POU2F1: variants seen among roughly 807,000 people sequenced by gnomAD.
POU2F1 encodes the protein POU class 2 homeobox 1, also known as POU domain, class 2, transcription factor 1.
Under a neutral mutation model 84.9 loss-of-function variants are expected in POU2F1, and 16 were observed. The ratio of observed to expected loss-of-function variants is 0.19; its 90% CI spans 0.13 to 0.29. The LOEUF (loss-of-function observed/expected upper bound fraction) is 0.29, where lower values mean the gene tolerates loss of function less well. Among genes scored for constraint, POU2F1 ranks in the 10% least tolerant of loss-of-function variants. POU2F1 has a pLI of 1.00. For missense variants in POU2F1, 738 were observed against 942.6 expected (o/e 0.78, Z 2.84); for synonymous variants, 368 against 368.3 (o/e 1.00, Z 0.01).
chr1:167,387,599 GTCAGGCTTATA>G (rs1648076564), intron 8 of POU2F1, among the ~76,000 whole-genome samples: 1 of 152,166 alleles, frequency 6.6e-6, no homozygotes, highest in Admixed American at 6.5e-5. Context: ...TAAGGTAAAG[GTCAGGCTTATA>G]TAACTCATCT....
chr1:167,231,778 G>A (rs548547499), intron 1 of POU2F1, among the ~76,000 whole-genome samples: 1 of 152,296 alleles, frequency 6.6e-6, no homozygotes, highest in African/African-American at 2.4e-5. Flanking sequence ...TGCTAATCTG[G>A]ACAAGAGGAT....
chr1:167,226,926 G>T (rs72693603), intron 1 of POU2F1, among the ~76,000 whole-genome samples: 4 of 152,102 alleles, frequency 2.6e-5, no homozygotes, highest in Admixed American at 2.0e-4. Flanking sequence ...AGATTTATCA[G>T]ATTATCTTTT....
intron 2 of POU2F1, among the ~76,000 whole-genome samples, chr1:167,353,084 C>T (rs1403175605): frequency 1.3e-5 from 2 of 152,212 alleles, no homozygotes; most frequent in Non-Finnish European, 2.9e-5. Context: ...GAGATGAGGA[C>T]TCTCCAGTGC....
intron 1 of POU2F1, among the ~76,000 whole-genome samples, chr1:167,301,785 A>G (rs956988675): frequency 9.3e-5 from 14 of 150,452 alleles, no homozygotes; most frequent in African/African-American, 2.7e-4. Context: ...ATTTCTCTCA[A>G]TTTTTCGCTA....
At chr1:167,226,746 T>C (rs1018438666) in intron 1 of POU2F1, among the ~76,000 whole-genome samples, 1 of 152,220 alleles carries the variant, frequency 6.6e-6, no homozygotes, top group Non-Finnish European at 1.5e-5. Context: ...GGTGTGAATT[T>C]TTTGAGCATT....
intron 2 of POU2F1, among the ~76,000 whole-genome samples, chr1:167,355,559 T>C (rs542461670): frequency 1.5e-4 from 23 of 152,366 alleles, no homozygotes; most frequent in Non-Finnish European, 2.5e-4. Flanking sequence ...AAATAATTTA[T>C]TGAGATTTTC....
chr1:167,277,384 C>T (rs114940874), intron 1 of POU2F1, among the ~76,000 whole-genome samples: 3,562 of 151,576 alleles, frequency 0.023, 57 homozygotes, highest in South Asian at 0.049. Flanking sequence ...TCATTTGACA[C>T]AGTTTAGGAA....
chr1:167,323,226 G>A (rs1487552881), intron 1 of POU2F1, among the ~76,000 whole-genome samples: 1 of 152,152 alleles, frequency 6.6e-6, no homozygotes, highest in African/African-American at 2.4e-5. Context: ...GAAACAGTAT[G>A]GTAAGATAGG....
chr1:167,412,303 G>A lies in POU2F1; in HGVS notation c.1900G>A (p.Gly634Arg), dbSNP rs754102204. ...GATGGCACCCTCACAGTTTGCGGCTGGGTAAGGCGCTTTCTCATCTCATTC... is the reference window on the plus strand; with the variant it reads ...GATGGCACCCTCACAGTTTGCGGCTAGGTAAGGCGCTTTCTCATCTCATTC... ...SLMAPSQFAAGGALLSLNPGT... is the reference protein window; with the variant it reads ...SLMAPSQFAARGALLSLNPGT... The change falls in exon 14 of 16, where the codon GGA (glycine) becomes AGA (arginine). Residue 634 changes from glycine to arginine, a missense_variant and splice_region_variant. By Grantham distance (125) the Gly-to-Arg change is moderately radical. Around this residue, in one of 4 missense-constraint regions of POU2F1, gnomAD observed 319 missense variants for 386.0 expected, o/e 0.83. Transcript: ENST00000367866. The A allele has an allele frequency of 6.5e-7, 1 of 1,535,508 alleles. No homozygotes were observed. The highest frequency in any genetic ancestry group is 1.4e-5 in the African/African-American group (1 of 72,906).
At chr1:167,269,598 CTG>C (rs763680919) in intron 1 of POU2F1, among the ~76,000 whole-genome samples, 3 of 152,100 alleles carry the variant, frequency 2.0e-5, no homozygotes, top group African/African-American at 7.2e-5. Flanking sequence ...AATTAAAACT[CTG>C]TTATTTTAAT....
intron 1 of POU2F1, among the ~76,000 whole-genome samples, chr1:167,304,240 G>A (rs2102577669): frequency 6.6e-6 from 1 of 152,294 alleles, no homozygotes; most frequent in Non-Finnish European, 1.5e-5. Context: ...TAATGTTACA[G>A]TGTTACTGTT....
chr1:167,264,543 G>A (rs1242380762), intron 1 of POU2F1, among the ~76,000 whole-genome samples: 1 of 152,048 alleles, frequency 6.6e-6, no homozygotes, highest in Non-Finnish European at 1.5e-5. Flanking sequence ...GGCAATTGAA[G>A]GGCTTTTGAA....
chr1:167,249,982 T>C (rs2102401092), intron 1 of POU2F1, among the ~76,000 whole-genome samples: 1 of 152,350 alleles, frequency 6.6e-6, no homozygotes, highest in South Asian at 2.1e-4. Flanking sequence ...AGGAGTTATG[T>C]TTATTTTTGT....
At chr1:167,310,962 GA>G in intron 1 of POU2F1, among the ~76,000 whole-genome samples, 1 of 152,236 alleles carries the variant, frequency 6.6e-6, no homozygotes, top group African/African-American at 2.4e-5. Flanking sequence ...AAAGAGAAAA[GA>G]GAACAAATAA....
chr1:167,325,966 A>T (rs1228623976), intron 1 of POU2F1, among the ~76,000 whole-genome samples: 1 of 151,800 alleles, frequency 6.6e-6, no homozygotes, highest in East Asian at 1.9e-4. Flanking sequence ...TTTAGAAAAT[A>T]AAAAAAGGCT....
intron 3 of POU2F1, among the ~76,000 whole-genome samples, chr1:167,367,572 CTCT>C (rs1659761759): frequency 6.6e-6 from 1 of 152,028 alleles, no homozygotes; most frequent in Admixed American, 6.6e-5. Context: ...AAGGAATGCT[CTCT>C]TCTTTTTATT....
At chr1:167,294,816 G>C (rs1238232659) in intron 1 of POU2F1, among the ~76,000 whole-genome samples, 2 of 152,120 alleles carry the variant, frequency 1.3e-5, no homozygotes, top group Non-Finnish European at 2.9e-5. Context: ...TCTATGAAAA[G>C]TAGTGTGGAG....
chr1:167,251,840 C>A (rs866784475), intron 1 of POU2F1, among the ~76,000 whole-genome samples: 4 of 150,618 alleles, frequency 2.7e-5, no homozygotes, highest in African/African-American at 9.7e-5. Flanking sequence ...TTTGTTTCTT[C>A]GTTATATCTT....
intron 1 of POU2F1, among the ~76,000 whole-genome samples, chr1:167,255,942 A>C (rs1210903738): frequency 6.6e-6 from 1 of 152,160 alleles, no homozygotes; most frequent in Non-Finnish European, 1.5e-5. Flanking sequence ...TGTAGAGAAC[A>C]TCTGTGTTTT....
Sources: allele counts gnomAD v4.1 joint callset (sites outside exome capture counted in the v4.1 genomes callset), GRCh38; gene constraint gnomAD v4.1.1; regional missense constraint gnomAD v4.1.1; transcripts MANE v1.5; gene names NCBI Gene and HGNC (gene_info 2026-07-23, HGNC 2026-07-21).